The following TJP2 variants were observed in gnomAD, a reference collection of about 807,000 sequenced individuals.
TJP2 encodes the protein tight junction protein 2, also known as Friedreich ataxia region gene X104 (tight junction protein ZO-2).
In TJP2, 91 loss-of-function variants were observed where a neutral mutation model predicts 133.1. The observed-to-expected ratio is 0.68, with a 90% CI of 0.58 to 0.81. TJP2 has a LOEUF of 0.81. Among genes scored for constraint, TJP2 ranks in the 40% least tolerant of loss-of-function variants. TJP2 has a pLI of 0.00. For missense variants in TJP2, 1,541 were observed against 1,565.6 expected, an observed-to-expected ratio of 0.98 and a Z score of 0.26; for synonymous variants, 592 against 583.4, an observed-to-expected ratio of 1.01 and a Z score of -0.21.
In TJP2 at chr9:69,240,126, A is replaced by C. The variant is rs1040436105; in HGVS notation, c.2545A>C (p.Thr849Pro). The change falls in exon 17 of 23, where the codon ACG becomes CCG. Residue 849 changes from threonine to proline, a missense_variant. Physicochemically the swap from Thr to Pro is conservative, Grantham distance 38. Coordinates refer to ENST00000377245, the MANE Select transcript of TJP2 (RefSeq NM_004817.4). ...TGATCAAGCCAACAAGCTTAAAAAAACGTGTGCACACCTTTTTACAGGTAA... is the reference window on the plus strand; with the variant it reads ...TGATCAAGCCAACAAGCTTAAAAAACCGTGTGCACACCTTTTTACAGGTAA... ...LFDQANKLKK[T>P]CAHLFTATIN... is the part of the protein sequence containing the mutation. 2 of 1,614,072 alleles carry C rather than the reference A, an allele frequency of 1.2e-6. No homozygotes were observed. Among genetic ancestry groups the C allele is most frequent in the East Asian group, 4.5e-5 (2 of 44,880 alleles).
intron 1 of TJP2, among the ~76,000 whole-genome samples, chr9:69,145,128 C>T (rs1481002685): frequency 6.6e-6 from 1 of 152,164 alleles, no homozygotes; most frequent in Non-Finnish European, 1.5e-5. Context: ...CAAATTGTTT[C>T]TTAATTAATT....
At chr9:69,184,810 G>A (rs1386257740) in intron 1 of TJP2, among the ~76,000 whole-genome samples, 7 of 148,268 alleles carry the variant, frequency 4.7e-5, no homozygotes, top group African/African-American at 1.8e-4. Flanking sequence ...GAGTGCAGTG[G>A]TGCCGTCACA....
chr9:69,212,909 A>C (rs922873768), intron 2 of TJP2, among the ~76,000 whole-genome samples: 1 of 47,552 alleles, frequency 2.1e-5, no homozygotes, highest in African/African-American at 4.6e-5. Flanking sequence ...GTACTGTTTA[A>C]GGATGTGGAG....
intron 2 of TJP2, among the ~76,000 whole-genome samples, chr9:69,213,361 G>T (rs750217349): frequency 6.6e-6 from 1 of 152,036 alleles, no homozygotes; most frequent in Non-Finnish European, 1.5e-5. Context: ...GTGCCCAGAC[G>T]GTTCCGCATT....
chr9:69,158,384 T>C (rs1380491491), intron 2 of TJP2, among the ~76,000 whole-genome samples: 1 of 151,058 alleles, frequency 6.6e-6, no homozygotes, highest in East Asian at 1.9e-4. Flanking sequence ...TCTTAACTTT[T>C]CACAGCCAAA....
chr9:69,165,825 A>C (rs1170806560), intron 2 of TJP2, among the ~76,000 whole-genome samples: 1 of 152,172 alleles, frequency 6.6e-6, no homozygotes, highest in East Asian at 1.9e-4. Flanking sequence ...CACGCTCCCC[A>C]GCAGGTATGT....
intron 11 of TJP2, among the ~76,000 whole-genome samples, chr9:69,230,946 A>G (rs1010716044): frequency 3.3e-5 from 5 of 152,178 alleles, no homozygotes; most frequent in African/African-American, 1.2e-4. Context: ...TACTTTTAAA[A>G]TTACTATGTG....
chr9:69,221,276 CATTGACCAGG>C lies in TJP2; in HGVS notation c.734_743del (p.Ile245ThrfsTer63), dbSNP rs747844224. On this transcript the variant is annotated frameshift_variant, in exon 5 of 23. Transcript: ENST00000377245. LOFTEE classifies it high-confidence loss of function. ...ACCGTGACCGCAGCCGCGGCCGGAG[CATTGACCAGG>C]ACTACGAGCGAGCCTATCACCGGGC... The C allele has an allele frequency of 6.2e-7, 1 of 1,608,366 alleles. No homozygotes were observed. The highest frequency in any genetic ancestry group is 8.5e-7 in the Non-Finnish European group (1 of 1,177,746).
chr9:69,173,182 T>G (rs529700007), upstream of TJP2, among the ~76,000 whole-genome samples: 1 of 152,296 alleles, frequency 6.6e-6, no homozygotes, highest in African/African-American at 2.4e-5. Context: ...GACCACACCT[T>G]TTACCTTCTA....
intron 1 of TJP2, chr9:69,145,703 G>C: frequency 1.1e-5 from 13 of 1,230,742 alleles, no homozygotes; most frequent in Non-Finnish European, 1.3e-5. Context: ...AGAGAGACAA[G>C]ATGAGGTACA....
Position 69,236,150 on chromosome 9 carries a change from G to A in TJP2, c.1903G>A (p.Asp635Asn). Reference protein sequence around the residue: ...FTRGEVFRVVDTLYDGKLGNW... With the variant: ...FTRGEVFRVVNTLYDGKLGNW... The stretch of plus-strand genomic sequence containing the variant: ...CAGAGGGGAGGTCTTCCGAGTGGTA[G>A]ACACACTGTATGACGGCAAGCTGGG... The change falls in exon 13 of 23, where the codon GAC becomes AAC. Residue 635 changes from aspartate (D) to asparagine (N), a missense_variant. Coordinates refer to ENST00000377245, the MANE Select transcript of TJP2 (RefSeq NM_004817.4). 1 of 1,614,220 alleles carries A rather than the reference G, an allele frequency of 6.2e-7. No homozygotes were observed. The highest frequency in any genetic ancestry group is 8.5e-7 in the Non-Finnish European group (1 of 1,180,050).
chr9:69,237,753 A>C, intron 14 of TJP2, 125 bp from the exon 15 acceptor site: 1 of 733,976 alleles, frequency 1.4e-6, no homozygotes, highest in South Asian at 1.5e-5. Flanking sequence ...AGCCAAGCTG[A>C]ATTGGGGAGA....
intron 1 of TJP2, among the ~76,000 whole-genome samples, chr9:69,176,504 GT>G (rs934770956): frequency 2.0e-5 from 3 of 152,148 alleles, no homozygotes; most frequent in African/African-American, 7.2e-5. Flanking sequence ...GAAGCTTTGG[GT>G]GGGGGGAAGT....
chr9:69,247,858 G>A (rs1831034254), intron 18 of TJP2, among the ~76,000 whole-genome samples, 154 bp from the exon 19 acceptor site: 1 of 152,138 alleles, frequency 6.6e-6, no homozygotes, highest in South Asian at 2.1e-4. Flanking sequence ...TTGTACCAAA[G>A]CCAAGTGATC....
chr9:69,246,216 G>C lies in TJP2; in HGVS notation c.2567-474G>C, dbSNP rs116494218. ...CATCTGTGGATTTTGGTATCCAAGT[G>C]GGGGGTGTCCCGGAACCAATCCTCT... is the stretch of plus-strand genomic sequence containing the variant. On this transcript the variant is annotated intron_variant, in intron 17 of 22. Transcript: ENST00000377245. 291 of 198,098 alleles carry C rather than the reference G, an allele frequency of 1.5e-3. 6 individuals are homozygous for C. The South Asian group carries it at 0.027, about 18-fold the overall frequency. 12.3% of individuals were successfully genotyped at this position (198,098 alleles called of 1,614,324 possible). A position where few individuals can be genotyped will look rare whatever the true frequency, so the allele number is the denominator to read the frequency against.
rs1824083823 is a variant in TJP2 at position 69,161,703 on chromosome 9, G to T, written c.-10+9932G>T. Among the ~76,000 whole-genome samples, 3 of 151,190 alleles carry T rather than the reference G, an allele frequency of 2.0e-5. No individual in the cohort carries two copies. The South Asian group carries it at 6.3e-4, about 32-fold the overall frequency. The stretch of plus-strand genomic sequence containing the variant: ...TTATGAAGTGTCTATTATTAACAAT[G>T]TAAATCATAATCTAGAAAAATACTT... On this transcript the variant is annotated intron_variant, in intron 2 of 5. Transcript: ENST00000423935.
intron 1 of TJP2, among the ~76,000 whole-genome samples, chr9:69,192,530 G>A (rs894998830): frequency 1.3e-5 from 2 of 152,326 alleles, no homozygotes; most frequent in African/African-American, 4.8e-5. Context: ...GGCAAATGCT[G>A]TAGAAGTTCT....
chr9:69,172,281 TG>T (rs1824732502), upstream of TJP2, among the ~76,000 whole-genome samples: 1 of 152,254 alleles, frequency 6.6e-6, no homozygotes, highest in African/African-American at 2.4e-5. Flanking sequence ...GCTTATCATC[TG>T]TCAGGTGTTG....
At chr9:69,201,777 A>G (rs1827010770) in intron 1 of TJP2, among the ~76,000 whole-genome samples, 1 of 152,240 alleles carries the variant, frequency 6.6e-6, no homozygotes, top group Non-Finnish European at 1.5e-5. Flanking sequence ...ATTCAGCCTT[A>G]GAAAGGGAGG....
Sources: gnomAD v4.1 joint callset for allele counts (sites outside exome capture counted in the v4.1 genomes callset) on GRCh38, gnomAD v4.1.1 for gene constraint, MANE v1.5 for transcripts, NCBI Gene and HGNC (gene_info 2026-07-23, HGNC 2026-07-21) for gene names.